GGA1: variants seen among roughly 807,000 people sequenced by gnomAD.
The protein encoded by GGA1 is golgi associated, gamma adaptin ear containing, ARF binding protein 1.
GGA1 carries 18 observed loss-of-function variants against 76.9 expected under a neutral mutation model. That is an observed-to-expected ratio of 0.23 (90% CI 0.16 to 0.35). GGA1 has a LOEUF of 0.35. GGA1 is among the 10% of genes least tolerant of loss of function. The pLI, the probability that GGA1 is intolerant of heterozygous loss-of-function variation, is 1.00. For missense variants in GGA1, 755 were observed against 859.0 expected, an observed-to-expected ratio of 0.88 and a Z score of 1.51; for synonymous variants, 342 against 354.7, an observed-to-expected ratio of 0.96 and a Z score of 0.40.
intron 5 of GGA1, 136 bp from the exon 6 acceptor site, chr22:37,620,677 A>G (rs963250862): frequency 5.8e-6 from 4 of 686,426 alleles, no homozygotes; most frequent in Admixed American, 4.4e-5. Context: ...CAGGCCACTA[A>G]GAGTCCAGAG....
Position 37,616,971 on chromosome 22 carries a change from GA to G in GGA1, c.179del (p.Glu60GlyfsTer8). ...GGCCCACAAGATCCAGTCCCCACAG[GA>G]GTGGGAGGCGATCCAGGCCTTGACG... is the stretch of plus-strand genomic sequence containing the variant. ...LLAHKIQSPQ[E>X]WEAIQALTVL... On this transcript the variant is annotated frameshift_variant, in exon 3 of 17. Coordinates refer to ENST00000343632, the MANE Select transcript of GGA1 (RefSeq NM_013365.5). LOFTEE classifies it high-confidence loss of function. 1 of 1,609,310 alleles carries G rather than the reference GA, an allele frequency of 6.2e-7. No homozygotes were observed. Among genetic ancestry groups the G allele is most frequent in the Non-Finnish European group, 8.5e-7 (1 of 1,177,940 alleles).
intron 11 of GGA1, chr22:37,626,315 G>A (rs1272647890): frequency 6.2e-6 from 1 of 161,062 alleles, no homozygotes; most frequent in East Asian, 1.7e-4. Flanking sequence ...AAGAGGAGAG[G>A]GAGGGCTCTG....
At position 37,631,547 on chromosome 22, in the gene GGA1, A is replaced by G. The variant is rs539596061; in HGVS notation, c.1528+448A>G. Among the ~76,000 whole-genome samples, 4 of 152,266 alleles carry G rather than the reference A, an allele frequency of 2.6e-5. No individual in the cohort carries two copies. In the South Asian group the frequency reaches 6.2e-4, roughly 24 times the overall value. On this transcript the variant is annotated intron_variant, in intron 14 of 16. Coordinates refer to ENST00000343632, the MANE Select transcript of GGA1 (RefSeq NM_013365.5). Reference sequence around the variant, plus strand: ...CTGGTGGTCCTCAGCATTGCCCTCTATGAGCTCCCTGTGACCAAAGACACT... The same window carrying G: ...CTGGTGGTCCTCAGCATTGCCCTCTGTGAGCTCCCTGTGACCAAAGACACT...
chr22:37,615,514 C>T (rs1928609262), intron 2 of GGA1, among the ~76,000 whole-genome samples: 1 of 151,886 alleles, frequency 6.6e-6, no homozygotes, highest in South Asian at 2.1e-4. Context: ...GTCTATAATC[C>T]CAGCACTCTG....
In GGA1 at chr22:37,625,800, G is replaced by A; in HGVS notation, c.944G>A (p.Ser315Asn). The A allele has an allele frequency of 6.4e-7, 1 of 1,567,358 alleles. No homozygotes were observed. The highest frequency in any genetic ancestry group is 8.7e-7 in the Non-Finnish European group (1 of 1,152,648). The change falls in exon 11 of 17, where the codon AGC becomes AAC. Residue 315 changes from serine (S) to asparagine (N), a missense_variant. Transcript: ENST00000343632. This position sits in a 1 kb window ranked among gnomAD's most constrained non-coding sequence, Gnocchi z 4.1. ...AGCCTCTTCTTTCCCACCCCAGGGAGCACCTCGGCCCTGCTGGATCTCTCA... is the reference window on the plus strand; with the variant it reads ...AGCCTCTTCTTTCCCACCCCAGGGAACACCTCGGCCCTGCTGGATCTCTCA... ...GDATAGSIPG[S>N]TSALLDLSGL...
intron 4 of GGA1, among the ~76,000 whole-genome samples, chr22:37,619,379 ATTT>A (rs1318301803): frequency 1.9e-5 from 2 of 108,026 alleles, no homozygotes; most frequent in African/African-American, 6.9e-5. Flanking sequence ...TACCGTGAAC[ATTT>A]TTTTTTTTTT....
At chr22:37,613,561 C>T (rs561621110) in intron 1 of GGA1, among the ~76,000 whole-genome samples, 24 of 152,198 alleles carry the variant, frequency 1.6e-4, no homozygotes, top group Admixed American at 1.3e-4. Context: ...CCACCAAGCC[C>T]GGCTAATTTT....
intron 2 of GGA1, among the ~76,000 whole-genome samples, chr22:37,614,658 C>T (rs919184940): frequency 6.6e-6 from 1 of 152,156 alleles, no homozygotes; most frequent in Admixed American, 6.6e-5. Context: ...TGCTCAAGGA[C>T]GAACCAGAAC....
rs1277232000 is a variant in GGA1, at chr22:37,632,814, C to T, written c.*103C>T. The T allele has an allele frequency of 2.8e-6, 2 of 710,266 alleles. No individual in the cohort carries two copies. The highest frequency in any genetic ancestry group is 5.4e-5 in the East Asian group (2 of 37,038). 44.0% of individuals were successfully genotyped at this position (710,266 alleles called of 1,614,324 possible). ...ACACCCTTTGTTGCCCATGGCCATT[C>T]ACCCCCAGGCCTGGTGCTTCTCCCC... On this transcript the variant is annotated 3_prime_UTR_variant, in exon 17 of 17. Coordinates refer to ENST00000343632, the MANE Select transcript of GGA1 (RefSeq NM_013365.5). The surrounding 1 kb of genome is among the most constrained non-coding windows in gnomAD (Gnocchi z 5.1).
In GGA1 at chr22:37,623,933, C is replaced by G. The variant is rs1029419115; in HGVS notation, c.832+300C>G. 2.6e-6 allele frequency: 1 copy of G among 381,652 alleles called. No homozygotes were observed. The highest frequency in any genetic ancestry group is 2.1e-5 in the African/African-American group (1 of 48,494). The allele number at this position is 381,652 out of a possible 1,614,324, so 23.6% of individuals were successfully genotyped here. A position where few individuals can be genotyped will look rare whatever the true frequency, so the allele number is the denominator to read the frequency against. On this transcript the variant is annotated intron_variant, in intron 9 of 16. Coordinates refer to ENST00000343632, the MANE Select transcript of GGA1 (RefSeq NM_013365.5). This position sits in a 1 kb window ranked among gnomAD's most constrained non-coding sequence, Gnocchi z 4.6. ...GGCTAAGGGAGGAAAATGACTTGCC[C>G]AGATCACAGAGCAGAACAGTGGCAG...
In GGA1 at chr22:37,632,327, C is replaced by T. The variant is rs927109073; in HGVS notation, c.1699-78C>T. On this transcript the variant is annotated intron_variant, in intron 15 of 16. Transcript: ENST00000343632. The surrounding 1 kb of genome is among the most constrained non-coding windows in gnomAD (Gnocchi z 5.1). ...GAGCCCCAGGATCCCCGGAGGGGAG[C>T]TGGCAGGCTGGGCCTGGTTCCTCAG... 10 of 1,334,258 alleles carry T rather than the reference C, an allele frequency of 7.5e-6. No homozygotes were observed. The highest frequency in any genetic ancestry group is 3.4e-5 in the Admixed American group (2 of 58,298). The allele number at this position is 1,334,258 out of a possible 1,614,324, so 82.7% of individuals were successfully genotyped here. A position where few individuals can be genotyped will look rare whatever the true frequency, so the allele number is the denominator to read the frequency against.
chr22:37,620,465 TG>T, intron 5 of GGA1, 104 bp downstream of exon 5: 3 of 1,251,030 alleles, frequency 2.4e-6, no homozygotes, highest in Non-Finnish European at 3.5e-6. Flanking sequence ...AGCAAGGTCA[TG>T]GGTCTGTCCT....
In GGA1 at chr22:37,624,987, A is replaced by T. The variant is rs756451398; in HGVS notation, c.851A>T (p.Asn284Ile). Residue 284 changes from asparagine to isoleucine, a missense_variant, in exon 10 of 17, where the codon AAT (asparagine) becomes ATT (isoleucine). Coordinates refer to ENST00000343632, the MANE Select transcript of GGA1 (RefSeq NM_013365.5). This position sits in a 1 kb window ranked among gnomAD's most constrained non-coding sequence, Gnocchi z 4.3. ...DEALAEILQA[N>I]DNLTQVINLY... The stretch of plus-strand genomic sequence containing the variant: ...GTTCCAGCGGAGATCCTGCAGGCCA[A>T]TGACAACCTCACCCAGGTGATCAAC... 2 of 1,592,626 alleles carry T rather than the reference A, an allele frequency of 1.3e-6. No individual in the cohort carries two copies. The highest frequency in any genetic ancestry group is 2.7e-5 in the African/African-American group (2 of 74,566).
At chr22:37,621,024 C>G (rs1420093074) in intron 6 of GGA1, 111 bp downstream of exon 6, 3 of 736,174 alleles carry the variant, frequency 4.1e-6, no homozygotes, top group Non-Finnish European at 7.5e-6. Flanking sequence ...ACACACTGAG[C>G]CCAGGCATCG....
intron 1 of GGA1, chr22:37,613,033 G>C (rs1324291376): frequency 2.0e-6 from 2 of 985,360 alleles, no homozygotes; most frequent in Non-Finnish European, 2.4e-6. Flanking sequence ...GGGGAGACAG[G>C]TGTGGACATG....
At chr22:37,615,823 G>C (rs560961122) in intron 2 of GGA1, among the ~76,000 whole-genome samples, 12 of 151,812 alleles carry the variant, frequency 7.9e-5, no homozygotes, top group African/African-American at 2.9e-4. Flanking sequence ...GTCCAGTGGG[G>C]GGTTGGGAGT....
intron 1 of GGA1, chr22:37,612,865 A>G (rs1466461113): frequency 3.7e-5 from 35 of 944,628 alleles, no homozygotes; most frequent in Non-Finnish European, 4.2e-5. Context: ...TTGTTTAACC[A>G]GTATTGGGGG....
At position 37,623,323 on chromosome 22, in the gene GGA1, C is replaced by T. The variant is rs1022584061; in HGVS notation, c.610-4C>T. The T allele has an allele frequency of 2.5e-6, 4 of 1,614,022 alleles. No individual in the cohort carries two copies. On this transcript the variant is annotated splice_polypyrimidine_tract_variant and splice_region_variant and intron_variant, in intron 7 of 16. Coordinates refer to ENST00000343632, the MANE Select transcript of GGA1 (RefSeq NM_013365.5). This position sits in a 1 kb window ranked among gnomAD's most constrained non-coding sequence, Gnocchi z 4.6. ...TCAGGGGCCCTTGGCCAATGTGTCC[C>T]CAGGACCAGAAGCGGATGGAGAAGA...
Position 37,632,152 on chromosome 22 carries a change from C to T in GGA1, c.1685C>T (p.Ser562Leu). 6.2e-7 allele frequency: 1 copy of T among 1,611,572 alleles called. No individual in the cohort carries two copies. Among genetic ancestry groups the T allele is most frequent in the Non-Finnish European group, 8.5e-7 (1 of 1,178,352 alleles). Residue 562 changes from serine to leucine, a missense_variant, in exon 15 of 17, where the codon TCA (serine) becomes TTA (leucine). Ser to Leu is a moderately radical substitution (Grantham distance 145). Coordinates refer to ENST00000343632, the MANE Select transcript of GGA1 (RefSeq NM_013365.5). The surrounding 1 kb of genome is among the most constrained non-coding windows in gnomAD (Gnocchi z 5.1). Reference sequence around the variant, plus strand: ...CCCATCCGCAACATCGTGTTCCAGTCAGCTGTCCCCAAGGTGACAAGCCAG... The same window carrying T: ...CCCATCCGCAACATCGTGTTCCAGTTAGCTGTCCCCAAGGTGACAAGCCAG... ...PQPIRNIVFQ[S>L]AVPKVMKVKL...
Sources: allele counts gnomAD v4.1 joint callset (sites outside exome capture counted in the v4.1 genomes callset), GRCh38; gene constraint gnomAD v4.1.1; non-coding constraint Gnocchi (gnomAD v3.1); transcripts MANE v1.5; gene names NCBI Gene and HGNC (gene_info 2026-07-23, HGNC 2026-07-21).